The following PTPRN2 variants were observed in gnomAD, a reference collection of about 807,000 sequenced individuals.
PTPRN2 encodes the protein protein tyrosine phosphatase receptor type N2, also known as receptor-type tyrosine-protein phosphatase N2.
A neutral mutation model predicts 118.8 loss-of-function variants in PTPRN2; 74 were observed. That is an observed-to-expected ratio of 0.62 (90% CI 0.52 to 0.76). The LOEUF (loss-of-function observed/expected upper bound fraction) is 0.76. Ranked by LOEUF, PTPRN2 falls within the 30% of genes least tolerant of loss-of-function variation. The probability of loss-of-function intolerance (pLI) is 0.00; values close to 1 mark genes in which losing one functional copy is unlikely to be tolerated. For synonymous variants in PTPRN2, 641 were observed against 608.0 expected, an observed-to-expected ratio of 1.05 and a Z score of -0.80; for missense variants, 1,481 against 1,394.4, an observed-to-expected ratio of 1.06 and a Z score of -0.99.
At chr7:158,128,591 G>T (rs1275965536) in intron 9 of PTPRN2, among the ~76,000 whole-genome samples, 1 of 152,150 alleles carries the variant, frequency 6.6e-6, no homozygotes, top group Non-Finnish European at 1.5e-5. Flanking sequence ...TCCTTCCCCA[G>T]AAAGTGCGAG....
rs1804171973 is a variant in PTPRN2, at chr7:157,990,551, G to T, written c.1723+90747C>A. Among the ~76,000 whole-genome samples the T allele has an allele frequency of 6.6e-6, 1 of 152,184 alleles. No individual in the cohort carries two copies. Among genetic ancestry groups the T allele is most frequent in the Admixed American group, 6.5e-5 (1 of 15,280 alleles). ...CCCACCTCTGGCAAGTTCTGGGCAG[G>T]GGGAGAGCGACACAAGGCAAGGGAG... On this transcript the variant is annotated intron_variant, in intron 11 of 22. Coordinates refer to ENST00000389418, the MANE Select transcript of PTPRN2 (RefSeq NM_002847.5). The surrounding 1 kb of genome is among the most constrained non-coding windows in gnomAD (Gnocchi z 4.3).
chr7:157,912,143 A>G (rs940816633), intron 11 of PTPRN2, among the ~76,000 whole-genome samples: 5 of 151,736 alleles, frequency 3.3e-5, no homozygotes, highest in South Asian at 2.1e-4. Context: ...ATCAATTTAC[A>G]CTCCTGTCAC....
Position 158,521,996 on chromosome 7 carries a change from CGGG to C in PTPRN2, c.113-32214_113-32212del, listed in dbSNP as rs1824155278. On this transcript the variant is annotated intron_variant, in intron 1 of 22. Transcript: ENST00000389418. ...ATGGTGGACTGTCCGGGTGCTGGCT[CGGG>C]AGGGAGGTCCACGTCACAATGGTGG... 1.1e-4 allele frequency among the ~76,000 whole-genome samples: 10 copies of C among 88,142 alleles called. 1 individual carries two copies. Among genetic ancestry groups the C allele is most frequent in the Admixed American group, 3.4e-4 (3 of 8,880 alleles). 57.8% of individuals were successfully genotyped at this position (88,142 alleles called of 152,430 possible).
Position 158,555,149 on chromosome 7 carries a change from C to T in PTPRN2, c.112+32409G>A, listed in dbSNP as rs974787214. ...AAGCCTGTGAGAACAAACGGATCTC[C>T]GGTGCTCAGCAGACTGATCTACTGC... On this transcript the variant is annotated intron_variant, in intron 1 of 22. Coordinates refer to ENST00000389418, the MANE Select transcript of PTPRN2 (RefSeq NM_002847.5). This position sits in a 1 kb window ranked among gnomAD's most constrained non-coding sequence, Gnocchi z 4.7. Among the ~76,000 whole-genome samples, 2 of 152,206 alleles carry T rather than the reference C, an allele frequency of 1.3e-5. No homozygotes were observed. The highest frequency in any genetic ancestry group is 1.3e-4 in the Admixed American group (2 of 15,284).
At chr7:158,059,647 C>A (rs35925195) in intron 11 of PTPRN2, among the ~76,000 whole-genome samples, 11,030 of 68,342 alleles carry the variant, frequency 0.16, 903 homozygotes, top group Middle Eastern at 0.26. Context: ...CTCCATCTGC[C>A]CACGGTGACG....
intron 1 of PTPRN2, among the ~76,000 whole-genome samples, chr7:158,523,155 C>T (rs1824339222): frequency 1.3e-5 from 2 of 151,998 alleles, no homozygotes; most frequent in African/African-American, 4.8e-5. Flanking sequence ...GGGGACATCA[C>T]AGGAAGCACA....
chr7:158,453,278 TA>T lies in PTPRN2; in HGVS notation c.163+36456del, dbSNP rs1441492412. On this transcript the variant is annotated intron_variant, in intron 2 of 22. Coordinates refer to ENST00000389418, the MANE Select transcript of PTPRN2 (RefSeq NM_002847.5). ...GTGCAGGGGGCACCACAGGGTTGGC[TA>T]ACACAGCCTGGACGTAGGGGAATTG... Among the ~76,000 whole-genome samples the T allele has an allele frequency of 2.4e-4, 14 of 58,020 alleles. 1 individual carries two copies. The highest frequency in any genetic ancestry group is 4.2e-4 in the East Asian group (1 of 2,374). The allele number at this position is 58,020 out of a possible 152,430, so 38.1% of individuals were successfully genotyped here.
At chr7:158,293,762 A>AAG (rs1398213209) in intron 3 of PTPRN2, among the ~76,000 whole-genome samples, 3 of 151,316 alleles carry the variant, frequency 2.0e-5, no homozygotes, top group African/African-American at 7.3e-5. Context: ...TTGTTAAAAA[A>AAG]AAAAAAACTA....
intron 2 of PTPRN2, among the ~76,000 whole-genome samples, chr7:158,327,407 TCA>T (rs1214736161): frequency 1.1e-4 from 16 of 146,988 alleles, no homozygotes; most frequent in South Asian, 2.2e-4. Context: ...TCACACATGC[TCA>T]CACATGTACA....
At chr7:158,295,251 G>A (rs12698201) in intron 3 of PTPRN2, among the ~76,000 whole-genome samples, 1,048 of 3,536 alleles carry the variant, frequency 0.3, 215 homozygotes, top group African/African-American at 0.32. Context: ...CAGACACTGC[G>A]CCACTTTCCA....
intron 2 of PTPRN2, among the ~76,000 whole-genome samples, chr7:158,329,816 C>T (rs1038160554): frequency 6.6e-6 from 1 of 152,118 alleles, no homozygotes; most frequent in Non-Finnish European, 1.5e-5. Context: ...CTTCACCGCT[C>T]GAGGCTGTGT....
chr7:157,726,455 C>G (rs1799607183), intron 12 of PTPRN2, among the ~76,000 whole-genome samples: 1 of 152,268 alleles, frequency 6.6e-6, no homozygotes, highest in South Asian at 2.1e-4. Context: ...GCCAGACCGT[C>G]ACCTCCCACC....
chr7:158,304,370 C>T (rs1030222778), intron 3 of PTPRN2, among the ~76,000 whole-genome samples: 21 of 149,894 alleles, frequency 1.4e-4, no homozygotes, highest in Non-Finnish European at 2.8e-4. Flanking sequence ...TTTCTACATT[C>T]TAGGGAGGCA....
chr7:158,397,675 C>T (rs1812626082), intron 2 of PTPRN2, among the ~76,000 whole-genome samples: 1 of 152,196 alleles, frequency 6.6e-6, no homozygotes, highest in Non-Finnish European at 1.5e-5. Context: ...TCTGTGCCTC[C>T]ACTTCCACAT....
In PTPRN2 at chr7:157,632,017, G is replaced by T. The variant is rs1201993118; in HGVS notation, c.2197-10508C>A. ...TTCCGAAGAGCAAAGGGAAAGGAAG[G>T]TTAACTCTTTGCAAAGTGGTGTGTT... On this transcript the variant is annotated intron_variant, in intron 14 of 22. Coordinates refer to ENST00000389418, the MANE Select transcript of PTPRN2 (RefSeq NM_002847.5). The surrounding 1 kb of genome is among the most constrained non-coding windows in gnomAD (Gnocchi z 4.3). Among the ~76,000 whole-genome samples, 3 of 152,196 alleles carry T rather than the reference G, an allele frequency of 2.0e-5. No individual in the cohort carries two copies. The highest frequency in any genetic ancestry group is 7.2e-5 in the African/African-American group (3 of 41,436).
chr7:157,892,957 A>T (rs1796887557), intron 12 of PTPRN2, among the ~76,000 whole-genome samples: 1 of 152,232 alleles, frequency 6.6e-6, no homozygotes, highest in Admixed American at 6.5e-5. Flanking sequence ...ACTTGGGGCA[A>T]CAGGAGACAC....
At chr7:157,593,366 C>T (rs990174797) in intron 17 of PTPRN2, among the ~76,000 whole-genome samples, 2 of 152,136 alleles carry the variant, frequency 1.3e-5, no homozygotes, top group Admixed American at 1.3e-4. Flanking sequence ...GCCCTCCAGA[C>T]CCTGTGGCTT....
intron 12 of PTPRN2, among the ~76,000 whole-genome samples, chr7:157,792,087 T>C (rs1804542715): frequency 6.6e-6 from 1 of 152,246 alleles, no homozygotes; most frequent in Non-Finnish European, 1.5e-5. Flanking sequence ...AAGTGGCCCC[T>C]GCCTGGAACT....
chr7:158,075,654 C>T (rs1005226941), intron 11 of PTPRN2, among the ~76,000 whole-genome samples: 3 of 152,234 alleles, frequency 2.0e-5, no homozygotes, highest in South Asian at 2.1e-4. Flanking sequence ...TACTCCTCAT[C>T]GTCTGTGTCT....
Sources: allele counts gnomAD v4.1 joint callset (sites outside exome capture counted in the v4.1 genomes callset), GRCh38; gene constraint gnomAD v4.1.1; non-coding constraint Gnocchi (gnomAD v3.1); transcripts MANE v1.5; gene names NCBI Gene and HGNC (gene_info 2026-07-23, HGNC 2026-07-21).